The following DNHD1 variants were observed in gnomAD, a reference collection of about 807,000 sequenced individuals.
DNHD1 encodes dynein heavy chain domain 1, also known as dynein heavy chain domain-containing protein 1.
DNHD1 carries 383 observed loss-of-function variants against 458.1 expected under a neutral mutation model. The observed-to-expected ratio is 0.84, with a 90% CI of 0.77 to 0.91. The LOEUF (loss-of-function observed/expected upper bound fraction) is 0.91, where lower values mean the gene tolerates loss of function less well. DNHD1 is among the 40% of genes least tolerant of loss of function. DNHD1 has a pLI of 0.00. For synonymous variants in DNHD1, 2,203 were observed against 2,376.9 expected (o/e 0.93, Z 2.13); for missense variants, 5,336 against 5,866.1 (o/e 0.91, Z 2.95).
chr11:6,557,723 C>A lies in DNHD1; in HGVS notation c.8428C>A (p.Leu2810Ile). Residue 2810 changes from leucine to isoleucine, a missense_variant, in exon 25 of 43, where the codon CTA becomes ATA. Leu to Ile is a conservative substitution (Grantham distance 5). This residue lies in a region of DNHD1 where 3,932 missense variants were observed against 4,365.6 expected (regional missense o/e 0.90). Coordinates refer to ENST00000254579, the MANE Select transcript of DNHD1 (RefSeq NM_144666.3). ...ACCCTTGTTGTTACCAGTGTTACTA[C>A]TACATCCCCAGGAAAAGCCCTCAGA... ...ISPLLLPVLL[L>I]HPQEKPSDLV... is the part of the protein sequence containing the mutation. 6.4e-7 allele frequency: 1 copy of A among 1,551,748 alleles called. No homozygotes were observed. Among genetic ancestry groups the A allele is most frequent in the Non-Finnish European group, 8.7e-7 (1 of 1,146,994 alleles).
intron 4 of DNHD1, among the ~76,000 whole-genome samples, chr11:6,508,028 G>A (rs1250336700): frequency 2.0e-5 from 3 of 152,062 alleles, no homozygotes; most frequent in Non-Finnish European, 4.4e-5. Context: ...GACATTATAG[G>A]ACTTAGGATA....
chr11:6,538,987 C>T (rs1853030607), intron 16 of DNHD1, among the ~76,000 whole-genome samples, 177 bp downstream of exon 16: 1 of 152,152 alleles, frequency 6.6e-6, no homozygotes, highest in Admixed American at 6.5e-5. Flanking sequence ...TTTAACTTCC[C>T]TTACTACCTC....
chr11:6,571,727 G>C lies in DNHD1; in HGVS notation c.14003G>C (p.Gly4668Ala). 1 of 1,612,706 alleles carries C rather than the reference G, an allele frequency of 6.2e-7. No individual in the cohort carries two copies. ...CATGCGGAGTGGGACCCAATAGCTG[G>C]AGCCTTGCAGGACAGTCCTTCCAGC... ...VLHAEWDPIA[G>A]ALQDSPSSQP... The change falls in exon 43 of 43, where the codon GGA becomes GCA. Residue 4668 changes from glycine (G) to alanine (A), a missense_variant. Physicochemically the swap from Gly to Ala is moderately conservative, Grantham distance 60. Around this residue, in one of 4 missense-constraint regions of DNHD1, gnomAD observed 698 missense variants for 664.9 expected, o/e 1.05. Coordinates refer to ENST00000254579, the MANE Select transcript of DNHD1 (RefSeq NM_144666.3). This position sits in a 1 kb window ranked among gnomAD's most constrained non-coding sequence, Gnocchi z 5.0.
Position 6,547,504 on chromosome 11 carries a change from A to G in DNHD1, c.6565A>G (p.Thr2189Ala), listed in dbSNP as rs1853248910. 6.4e-7 allele frequency: 1 copy of G among 1,550,942 alleles called. No individual in the cohort carries two copies. Among genetic ancestry groups the G allele is most frequent in the South Asian group, 1.2e-5 (1 of 84,046 alleles). Residue 2189 changes from threonine to alanine, a missense_variant, in exon 21 of 43, where the codon ACA (threonine) becomes GCA (alanine). Physicochemically the swap from Thr to Ala is moderately conservative, Grantham distance 58 (BLOSUM62 0). Around this residue, in one of 4 missense-constraint regions of DNHD1, gnomAD observed 3,932 missense variants for 4,365.6 expected, o/e 0.90. Transcript: ENST00000254579. ...CATGGCTGAGGTTCTGGTGCCTGCA[A>G]CATTGCGATTCCTCACCTGCCAAGG... ...NHMAEVLVPA[T>A]LRFLTCQGVS...
At chr11:6,527,549 C>G (rs1852736004) in intron 10 of DNHD1, among the ~76,000 whole-genome samples, 1 of 152,146 alleles carries the variant, frequency 6.6e-6, no homozygotes, top group Non-Finnish European at 1.5e-5. Context: ...CATTTTGGCT[C>G]TGTTAAATTT....
chr11:6,533,175 C>A lies in DNHD1; in HGVS notation c.2496C>A (p.Cys832Ter). The A allele has an allele frequency of 6.4e-7, 1 of 1,551,462 alleles. No individual in the cohort carries two copies. The highest frequency in any genetic ancestry group is 8.7e-7 in the Non-Finnish European group (1 of 1,146,910). ...CAGATATTCATGCCATTGCACAGTG[C>A]ACCCAGAAGGTGGGCTCTCCCCATC... Reference protein sequence around the residue: ...INSDIHAIAQCTQKLNEANEQ... With the variant: ...INSDIHAIAQ Residue 832 changes from cysteine to a stop codon, truncating the protein, a stop_gained, in exon 13 of 43, where the codon TGC becomes TGA. Transcript: ENST00000254579. LOFTEE classifies it high-confidence loss of function.
chr11:6,571,075 T>A lies in DNHD1; in HGVS notation c.13563T>A (p.Cys4521Ter). The change falls in exon 42 of 43, where the codon TGT becomes TGA. Residue 4521 changes from cysteine to a stop codon, truncating the protein, a stop_gained. Transcript: ENST00000254579. LOFTEE classifies it high-confidence loss of function. This position sits in a 1 kb window ranked among gnomAD's most constrained non-coding sequence, Gnocchi z 5.0. ...CACCCCCGTGCCCCTCCCGCCGCTG[T>A]GCTGCGGTGGCCCACGCTCTCTGGA... ...KGAPPCPSRR[C>*]AAVAHALWTG... The A allele has an allele frequency of 6.3e-7, 1 of 1,586,680 alleles. No individual in the cohort carries two copies. Among genetic ancestry groups the A allele is most frequent in the Non-Finnish European group, 8.6e-7 (1 of 1,165,706 alleles).
At chr11:6,569,017 G>C (rs1330999611) in intron 39 of DNHD1, 151 bp downstream of exon 39, 1 of 563,002 alleles carries the variant, frequency 1.8e-6, no homozygotes, top group Non-Finnish European at 2.3e-6. Context: ...CAAAGACTTT[G>C]AGATTTTACT....
intron 7 of DNHD1, among the ~76,000 whole-genome samples, chr11:6,518,332 G>C (rs1852534175): frequency 6.6e-6 from 1 of 152,160 alleles, no homozygotes; most frequent in South Asian, 2.1e-4. Flanking sequence ...AAAGTGCTGG[G>C]ATTACAAGCA....
In DNHD1 at chr11:6,548,775, A is replaced by G. The variant is rs1589887262; in HGVS notation, c.7229A>G (p.Tyr2410Cys). The G allele has an allele frequency of 6.4e-7, 1 of 1,551,546 alleles. No homozygotes were observed. The highest frequency in any genetic ancestry group is 2.4e-5 in the East Asian group (1 of 40,898). The part of the protein sequence containing the change: ...VLVEPHHPYI[Y>C]SPIHPAFSSS... ...GTAGAGCCACATCACCCTTACATAT[A>G]CAGCCCCATCCACCCTGCCTTCAGT... Residue 2410 changes from tyrosine (Y) to cysteine (C), a missense_variant, in exon 24 of 43, where the codon TAC (tyrosine) becomes TGC (cysteine). By Grantham distance (194) the Tyr-to-Cys change is radical. Coordinates refer to ENST00000254579, the MANE Select transcript of DNHD1 (RefSeq NM_144666.3). The surrounding 1 kb of genome is among the most constrained non-coding windows in gnomAD (Gnocchi z 4.4).
In DNHD1 at chr11:6,543,982, AAAAG is replaced by A. The variant is rs1324293483; in HGVS notation, c.3629-138_3629-135del. On this transcript the variant is annotated intron_variant, in intron 18 of 42. Coordinates refer to ENST00000254579, the MANE Select transcript of DNHD1 (RefSeq NM_144666.3). ...TCAAAAAAAAAAAAAAAAAAAAAAAAAAAGGGAAAGAAAAAGACAGAAAGGGCAT... is the reference window on the plus strand; with the variant it reads ...TCAAAAAAAAAAAAAAAAAAAAAAAAGGAAAGAAAAAGACAGAAAGGGCAT... The A allele has an allele frequency of 3.8e-5, 27 of 710,842 alleles. No homozygotes were observed. In the East Asian group the frequency reaches 4.5e-4, roughly 12 times the overall value. 44.0% of individuals were successfully genotyped at this position (710,842 alleles called of 1,614,324 possible).
At chr11:6,500,681 G>A (rs1437632770) in intron 3 of DNHD1, among the ~76,000 whole-genome samples, 1 of 152,168 alleles carries the variant, frequency 6.6e-6, no homozygotes, top group South Asian at 2.1e-4. Flanking sequence ...CTGAGGTCTA[G>A]CTAATATGGC....
At chr11:6,567,897 C>T in intron 36 of DNHD1, 37 bp downstream of exon 36, 1 of 1,555,814 alleles carries the variant, frequency 6.4e-7, no homozygotes. Flanking sequence ...AGTGACCAGG[C>T]TCCTGTGGGC....
In DNHD1 at chr11:6,567,346, C is replaced by T; in HGVS notation, c.11837C>T (p.Thr3946Ile). 6.2e-7 allele frequency: 1 copy of T among 1,614,064 alleles called. No individual in the cohort carries two copies. Among genetic ancestry groups the T allele is most frequent in the Non-Finnish European group, 8.5e-7 (1 of 1,179,902 alleles). The part of the protein sequence containing the change: ...ALGALALLQA[T>I]GKASELERLA... ...GGCGCTTTGGCTCTGCTGCAAGCAA[C>T]AGGGAAAGCATCAGAGCTGGAAAGA... The change falls in exon 36 of 43, where the codon ACA (threonine) becomes ATA (isoleucine). Residue 3946 changes from threonine to isoleucine, a missense_variant. Coordinates refer to ENST00000254579, the MANE Select transcript of DNHD1 (RefSeq NM_144666.3).
rs2134434427 is a variant in DNHD1 at position 6,548,892 on chromosome 11, C to T, written c.7346C>T (p.Ser2449Phe). Residue 2449 changes from serine to phenylalanine, a missense_variant, in exon 24 of 43, where the codon TCC (serine) becomes TTC (phenylalanine). Coordinates refer to ENST00000254579, the MANE Select transcript of DNHD1 (RefSeq NM_144666.3). The surrounding 1 kb of genome is among the most constrained non-coding windows in gnomAD (Gnocchi z 4.4). ...GGGCATCACCAGGATTCTAAACCCT[C>T]CCTCCTCTTCTTGCTGGAGGACCTG... ...QPGHHQDSKPSLLFLLEDLHL... is the reference protein window; with the variant it reads ...QPGHHQDSKPFLLFLLEDLHL... 2 of 1,551,714 alleles carry T rather than the reference C, an allele frequency of 1.3e-6. No individual in the cohort carries two copies. The highest frequency in any genetic ancestry group is 2.7e-5 in the African/African-American group (2 of 73,166).
intron 10 of DNHD1, among the ~76,000 whole-genome samples, chr11:6,524,245 C>T (rs1024800144): frequency 6.6e-6 from 1 of 152,174 alleles, no homozygotes; most frequent in Non-Finnish European, 1.5e-5. Flanking sequence ...ACAAAACAGA[C>T]AATTACTAAC....
intron 7 of DNHD1, among the ~76,000 whole-genome samples, chr11:6,514,468 CCCT>C (rs1852415490): frequency 6.6e-6 from 1 of 150,836 alleles, no homozygotes; most frequent in South Asian, 2.1e-4. Context: ...TCTCTCCTCT[CCCT>C]CCTTTCCTTT....
intron 29 of DNHD1, 31 bp downstream of exon 29, chr11:6,563,162 G>A (rs1026803846): frequency 3.9e-6 from 6 of 1,551,432 alleles, no homozygotes; most frequent in Admixed American, 2.0e-5. Context: ...GCCCTGCACT[G>A]CTCCTCTCTC....
At chr11:6,569,755 A>G (rs1206387154) in intron 39 of DNHD1, among the ~76,000 whole-genome samples, 1 of 152,066 alleles carries the variant, frequency 6.6e-6, no homozygotes, top group Non-Finnish European at 1.5e-5. Context: ...GTGAAGAGGA[A>G]GGAGGTGTCG....
Sources: allele counts gnomAD v4.1 joint callset (sites outside exome capture counted in the v4.1 genomes callset), GRCh38; gene constraint gnomAD v4.1.1; regional missense constraint gnomAD v4.1.1; non-coding constraint Gnocchi (gnomAD v3.1); transcripts MANE v1.5; gene names NCBI Gene and HGNC (gene_info 2026-07-23, HGNC 2026-07-21).